PTPN9: variants seen among roughly 807,000 people sequenced by gnomAD.
PTPN9 encodes protein tyrosine phosphatase non-receptor type 9.
Under a neutral mutation model 69.8 loss-of-function variants are expected in PTPN9, and 26 were observed. The observed-to-expected ratio is 0.37, with a 90% CI of 0.27 to 0.52. The LOEUF is 0.52. PTPN9 is among the 20% of genes least tolerant of loss of function. The probability of loss-of-function intolerance (pLI) is 0.91; values close to 1 mark genes in which losing one functional copy is unlikely to be tolerated. For missense variants in PTPN9, 549 were observed against 740.3 expected (o/e 0.74, Z 3.00); for synonymous variants, 274 against 272.5 (o/e 1.01, Z -0.05).
intron 7 of PTPN9, among the ~76,000 whole-genome samples, chr15:75,497,997 CT>C (rs1352848101): frequency 6.7e-6 from 1 of 149,834 alleles, no homozygotes; most frequent in African/African-American, 2.5e-5. Context: ...GGAGACCAGC[CT>C]AGTCAATATG....
At chr15:75,476,418 G>A (rs532218487) in intron 9 of PTPN9, among the ~76,000 whole-genome samples, 17 of 152,252 alleles carry the variant, frequency 1.1e-4, no homozygotes, top group African/African-American at 3.6e-4. Context: ...GCGTTCAAGC[G>A]ATTCTCCTAC....
intron 9 of PTPN9, among the ~76,000 whole-genome samples, chr15:75,477,224 T>A (rs1296876197): frequency 2.0e-5 from 3 of 152,228 alleles, no homozygotes; most frequent in Admixed American, 6.5e-5. Flanking sequence ...TAAACCTCCC[T>A]TGCAGAGTCT....
intron 1 of PTPN9, among the ~76,000 whole-genome samples, chr15:75,540,555 AAAAAAAAGAAAGAAAG>A (rs749531873): frequency 1.4e-5 from 2 of 142,454 alleles, no homozygotes; most frequent in Non-Finnish European, 3.0e-5. Context: ...AAAAAAAAAA[AAAAAAAAGAAAGAAAG>A]AAAGAAAGAA....
intron 4 of PTPN9, among the ~76,000 whole-genome samples, chr15:75,521,198 C>A (rs1214433524): frequency 6.7e-6 from 1 of 149,114 alleles, no homozygotes; most frequent in Non-Finnish European, 1.5e-5. Flanking sequence ...GTAATCCCAA[C>A]ACTTTGGGAG....
intron 4 of PTPN9, among the ~76,000 whole-genome samples, chr15:75,517,595 C>T (rs1257499770): frequency 6.6e-6 from 1 of 152,198 alleles, no homozygotes; most frequent in Non-Finnish European, 1.5e-5. Flanking sequence ...GTTGAGAATG[C>T]TCTACAGCAA....
chr15:75,501,414 G>A (rs1424590933), intron 7 of PTPN9, among the ~76,000 whole-genome samples: 1 of 151,320 alleles, frequency 6.6e-6, no homozygotes, highest in Non-Finnish European at 1.5e-5. Context: ...CACTAGGATG[G>A]CTTCCCTCAT....
intron 8 of PTPN9, among the ~76,000 whole-genome samples, chr15:75,485,173 T>G (rs1020305351): frequency 6.6e-6 from 1 of 152,018 alleles, no homozygotes; most frequent in African/African-American, 2.4e-5. Flanking sequence ...CAATCCAGGG[T>G]GCACCCAGTC....
chr15:75,549,895 G>A (rs776101260), intron 1 of PTPN9, among the ~76,000 whole-genome samples: 7 of 151,984 alleles, frequency 4.6e-5, no homozygotes, highest in Non-Finnish European at 5.9e-5. Flanking sequence ...GATTGCTTAA[G>A]CATGGGAAGT....
chr15:75,528,529 T>C (rs79398976), intron 1 of PTPN9, among the ~76,000 whole-genome samples: 30,731 of 151,522 alleles, frequency 0.2, 3,531 homozygotes, highest in Non-Finnish European at 0.26. Flanking sequence ...ACTATAGGCA[T>C]GGCATATGTC....
chr15:75,522,136 A>T (rs1048006281), intron 4 of PTPN9, among the ~76,000 whole-genome samples: 1 of 152,212 alleles, frequency 6.6e-6, no homozygotes, highest in African/African-American at 2.4e-5. Flanking sequence ...ACTCTGCCCA[A>T]GAGTGAAGAA....
chr15:75,528,468 G>A (rs1048868107), intron 1 of PTPN9, among the ~76,000 whole-genome samples: 13 of 151,122 alleles, frequency 8.6e-5, no homozygotes, highest in African/African-American at 2.9e-4. Context: ...CTGCAGCTTC[G>A]ACCACCTGGG....
chr15:75,532,829 A>C (rs1267432946), intron 1 of PTPN9, among the ~76,000 whole-genome samples: 1 of 152,236 alleles, frequency 6.6e-6, no homozygotes, highest in Admixed American at 6.5e-5. Flanking sequence ...CCTCATCTTC[A>C]ACAACCTTCC....
chr15:75,565,331 A>G (rs1162583538), intron 1 of PTPN9, among the ~76,000 whole-genome samples: 2 of 152,122 alleles, frequency 1.3e-5, no homozygotes, highest in Admixed American at 6.6e-5. Flanking sequence ...CATAAACACT[A>G]AATGTGTTGA....
intron 7 of PTPN9, among the ~76,000 whole-genome samples, chr15:75,504,874 C>T (rs969356531): frequency 1.3e-4 from 20 of 151,336 alleles, no homozygotes; most frequent in African/African-American, 4.1e-4. Context: ...CCACCCCGTC[C>T]GGGAGGTGAG....
At chr15:75,491,022 C>T (rs930480055) in intron 7 of PTPN9, among the ~76,000 whole-genome samples, 5 of 151,946 alleles carry the variant, frequency 3.3e-5, no homozygotes, top group Admixed American at 6.6e-5. Flanking sequence ...GGTGGGAGGA[C>T]GGCTTCAGCC....
intron 7 of PTPN9, among the ~76,000 whole-genome samples, chr15:75,504,244 T>C (rs1191993867): frequency 8.3e-6 from 1 of 120,078 alleles, no homozygotes; most frequent in Non-Finnish European, 1.7e-5. Flanking sequence ...AGCCGCCCCG[T>C]CCGGGAGGGA....
Position 75,503,321 on chromosome 15 carries a change from G to A in PTPN9, c.968+2354C>T, listed in dbSNP as rs531829906. Among the ~76,000 whole-genome samples, 366 of 143,570 alleles carry A rather than the reference G, an allele frequency of 2.5e-3. 5 individuals are homozygous for A. The highest frequency in any genetic ancestry group is 9.3e-3 in the African/African-American group (346 of 37,204). The allele number at this position is 143,570 out of a possible 152,430, so 94.2% of individuals were successfully genotyped here. ...TGGGATGTGAGGAGCTCCTCTGCCC[G>A]GTCGCGACCCCGTCTGGGAGGTGAG... On this transcript the variant is annotated intron_variant, in intron 7 of 12. Transcript: ENST00000618819.
At chr15:75,503,357 G>A (rs1234150700) in intron 7 of PTPN9, among the ~76,000 whole-genome samples, 7 of 119,294 alleles carry the variant, frequency 5.9e-5, no homozygotes, top group African/African-American at 6.8e-5. Context: ...GAGCGTCTCT[G>A]CCCAGCCGCC....
In PTPN9 at chr15:75,561,222, G is replaced by C. The variant is rs573231265; in HGVS notation, c.63+17492C>G. On this transcript the variant is annotated intron_variant, in intron 1 of 12. Coordinates refer to ENST00000618819, the MANE Select transcript of PTPN9 (RefSeq NM_002833.4). ...CCCAGCTACTTGGGAGGCTGAGGCA[G>C]GAGAATCGCTTAAACCCAGGCGATG... Among the ~76,000 whole-genome samples, 526 of 152,028 alleles carry C rather than the reference G, an allele frequency of 3.5e-3. 4 individuals carry two copies. Among genetic ancestry groups the C allele is most frequent in the Non-Finnish European group, 2.4e-3 (166 of 67,992 alleles).
Sources: allele counts gnomAD v4.1 joint callset (sites outside exome capture counted in the v4.1 genomes callset), GRCh38; gene constraint gnomAD v4.1.1; transcripts MANE v1.5; gene names NCBI Gene and HGNC (gene_info 2026-07-23, HGNC 2026-07-21).